The following SH3RF2 variants were observed in gnomAD, a reference collection of about 807,000 sequenced individuals.
The protein encoded by SH3RF2 is E3 ubiquitin-protein ligase SH3RF2.
SH3RF2 carries 43 observed loss-of-function variants against 59.0 expected under a neutral mutation model. That is an observed-to-expected ratio of 0.73 (90% CI 0.57 to 0.94). The LOEUF is 0.94. Among genes scored for constraint, SH3RF2 ranks in the 40% least tolerant of loss-of-function variants. The pLI is 0.00. For synonymous variants in SH3RF2, 391 were observed against 391.5 expected (o/e 1.00, Z 0.01); for missense variants, 930 against 940.1 (o/e 0.99, Z 0.14).
intron 4 of SH3RF2, among the ~76,000 whole-genome samples, chr5:146,011,619 G>T (rs1760900896): frequency 6.6e-6 from 1 of 152,124 alleles, no homozygotes; most frequent in Non-Finnish European, 1.5e-5. Flanking sequence ...TGGATTCCTA[G>T]GTATTTTATT....
At chr5:146,063,761 G>A (rs1197727423), downstream of SH3RF2, among the ~76,000 whole-genome samples, 2 of 152,090 alleles carry the variant, frequency 1.3e-5, no homozygotes, top group East Asian at 1.9e-4. Context: ...TCTTGAGGCC[G>A]AGGCATGAAA....
chr5:146,056,384 A>G (rs1257675343), intron 8 of SH3RF2, among the ~76,000 whole-genome samples, 171 bp downstream of exon 8: 2 of 152,218 alleles, frequency 1.3e-5, no homozygotes, highest in African/African-American at 4.8e-5. Context: ...AGTCATACCA[A>G]CTCAAGGTGA....
intron 4 of SH3RF2, among the ~76,000 whole-genome samples, chr5:146,005,585 A>T (rs1053542146): frequency 6.6e-6 from 1 of 152,174 alleles, no homozygotes; most frequent in African/African-American, 2.4e-5. Flanking sequence ...GGGTCCAGAG[A>T]GGCTGATCTT....
intron 7 of SH3RF2, chr5:146,050,069 C>T (rs1282687524): frequency 6.6e-6 from 1 of 152,138 alleles, no homozygotes; most frequent in Non-Finnish European, 1.5e-5. Context: ...GTCATATGCC[C>T]ACTTTTGGGG....
exon 10 of SH3RF2, chr5:146,080,377 T>C (rs969275887): frequency 3.3e-5 from 5 of 152,216 alleles, no homozygotes; most frequent in Non-Finnish European, 7.3e-5. Flanking sequence ...TGCTTATTTT[T>C]TTAAGTACAG....
At chr5:145,960,704 A>G (rs957919942) in intron 2 of SH3RF2, among the ~76,000 whole-genome samples, 3 of 152,162 alleles carry the variant, frequency 2.0e-5, no homozygotes, top group African/African-American at 4.8e-5. Flanking sequence ...TGGTGGGTGG[A>G]AAAGGATATA....
chr5:145,961,761 C>T (rs1162588372), intron 2 of SH3RF2, among the ~76,000 whole-genome samples: 3 of 152,158 alleles, frequency 2.0e-5, no homozygotes, highest in Non-Finnish European at 4.4e-5. Context: ...AAATTATTTC[C>T]CTTCTGTCAA....
chr5:146,004,206 G>A (rs761920689), intron 4 of SH3RF2, 53 bp downstream of exon 4: 168 of 1,436,566 alleles, frequency 1.2e-4, no homozygotes, highest in Admixed American at 4.5e-4. Flanking sequence ...AAATATTCAT[G>A]TGCTACAGTG....
intron 4 of SH3RF2, among the ~76,000 whole-genome samples, chr5:146,004,588 A>T (rs1760560018): frequency 6.6e-6 from 1 of 152,152 alleles, no homozygotes; most frequent in African/African-American, 2.4e-5. Context: ...AACAATAAGG[A>T]GTTCATTTTT....
chr5:146,058,974 A>G (rs1170481063), intron 8 of SH3RF2, among the ~76,000 whole-genome samples: 1 of 152,166 alleles, frequency 6.6e-6, no homozygotes, highest in Non-Finnish European at 1.5e-5. Flanking sequence ...TTACCCAAAA[A>G]TAATGATAGC....
At chr5:145,943,397 T>C (rs1300241417) in intron 2 of SH3RF2, among the ~76,000 whole-genome samples, 1 of 152,116 alleles carries the variant, frequency 6.6e-6, no homozygotes, top group South Asian at 2.1e-4. Flanking sequence ...CATATCCTGA[T>C]TGTGGTAGTA....
chr5:146,079,751 G>C (rs369724557), exon 10 of SH3RF2: 1 of 152,222 alleles, frequency 6.6e-6, no homozygotes, highest in African/African-American at 2.4e-5. Context: ...CCCTTGTCTC[G>C]GTTAACCACA....
intron 2 of SH3RF2, among the ~76,000 whole-genome samples, chr5:145,994,329 C>G (rs189716684): frequency 7.9e-4 from 120 of 152,332 alleles, no homozygotes; most frequent in African/African-American, 2.7e-3. Flanking sequence ...CAACCTCTGC[C>G]TGTTACCCAG....
intron 2 of SH3RF2, among the ~76,000 whole-genome samples, chr5:145,980,459 A>G (rs1347831914): frequency 2.0e-5 from 3 of 152,212 alleles, no homozygotes; most frequent in Non-Finnish European, 4.4e-5. Flanking sequence ...GCTGCTTAGC[A>G]TTCCACAGTA....
intron 2 of SH3RF2, among the ~76,000 whole-genome samples, chr5:145,948,829 A>G (rs765040423): frequency 5.5e-4 from 84 of 152,300 alleles, no homozygotes; most frequent in Middle Eastern, 6.8e-3. Context: ...ACAGCATGTA[A>G]CAGACTGTAC....
intron 2 of SH3RF2, among the ~76,000 whole-genome samples, chr5:145,994,153 G>T (rs1393178939): frequency 6.6e-6 from 1 of 152,126 alleles, no homozygotes; most frequent in African/African-American, 2.4e-5. Context: ...AGTCACCTTT[G>T]CTCCAGTTCC....
At chr5:145,944,470 T>C (rs1272796024) in intron 2 of SH3RF2, among the ~76,000 whole-genome samples, 6 of 151,960 alleles carry the variant, frequency 3.9e-5, no homozygotes, top group Non-Finnish European at 8.8e-5. Flanking sequence ...TGCCTCAGCT[T>C]CCTGAGCAGC....
intron 2 of SH3RF2, among the ~76,000 whole-genome samples, chr5:145,981,959 C>G (rs1759522716): frequency 6.6e-6 from 1 of 152,174 alleles, no homozygotes; most frequent in Non-Finnish European, 1.5e-5. Context: ...GCTGAACACC[C>G]TGAAATCTGC....
At chr5:146,013,678 T>C (rs1159915340) in intron 4 of SH3RF2, 69 bp from the exon 5 acceptor site, 3 of 1,566,670 alleles carry the variant, frequency 1.9e-6, no homozygotes, top group Middle Eastern at 1.7e-4. Context: ...CAGATGTACA[T>C]GGGTAGGAAC....
Sources: gnomAD v4.1 joint callset for allele counts (sites outside exome capture counted in the v4.1 genomes callset) on GRCh38, gnomAD v4.1.1 for gene constraint, MANE v1.5 for transcripts, NCBI Gene and HGNC (gene_info 2026-07-23, HGNC 2026-07-21) for gene names.